RBM23: variants seen among roughly 807,000 people sequenced by gnomAD.
The protein encoded by RBM23 is RNA binding motif protein 23.
RBM23 carries 53 observed loss-of-function variants against 56.2 expected under a neutral mutation model. The ratio of observed to expected loss-of-function variants is 0.94; its 90% CI spans 0.76 to 1.19. The LOEUF is 1.19. RBM23 is among the 50% of genes most tolerant of loss of function. RBM23 has a pLI of 0.00. For missense variants in RBM23, 642 were observed against 590.3 expected (o/e 1.09, Z -0.91); for synonymous variants, 197 against 198.5 (o/e 0.99, Z 0.06).
chr14:22,913,264 A>G (rs2139091569), intron 1 of RBM23, among the ~76,000 whole-genome samples: 1 of 149,378 alleles, frequency 6.7e-6, no homozygotes, highest in East Asian at 2.0e-4. Context: ...AATACAAAAT[A>G]TTAGCCGGGC....
Position 22,904,250 on chromosome 14 carries a change from T to G in RBM23, c.930+11A>C. ...AAGTAAAATAAAAAAATTAAAAGAC[T>G]AGAGACTCACCGTGATGAAACCATA... On this transcript the variant is annotated intron_variant, in intron 10 of 13. Coordinates refer to ENST00000359890, the MANE Select transcript of RBM23 (RefSeq NM_001077351.2). 6.2e-7 allele frequency: 1 copy of G among 1,613,904 alleles called. No homozygotes were observed.
chr14:22,906,207 G>A lies in RBM23; in HGVS notation c.389C>T (p.Pro130Leu). The A allele has an allele frequency of 6.2e-7, 1 of 1,614,130 alleles. No homozygotes were observed. Among genetic ancestry groups the A allele is most frequent in the Non-Finnish European group, 8.5e-7 (1 of 1,179,968 alleles). ...CAAAAAGTGATACCCAGTGGCAAGTGGAGGACTCCTGTAATGCACACGATC... is the reference window on the plus strand; with the variant it reads ...CAAAAAGTGATACCCAGTGGCAAGTAGAGGACTCCTGTAATGCACACGATC... ...REDRVHYRSP[P>L]LATGYRYGHS... Residue 130 changes from proline (P) to leucine (L), a missense_variant, in exon 5 of 14, where the codon CCA becomes CTA. By Grantham distance (98) the Pro-to-Leu change is moderately conservative. Coordinates refer to ENST00000359890, the MANE Select transcript of RBM23 (RefSeq NM_001077351.2).
intron 7 of RBM23, 38 bp downstream of exon 7, chr14:22,905,298 C>T: frequency 6.2e-7 from 1 of 1,613,872 alleles, no homozygotes; most frequent in South Asian, 1.1e-5. Flanking sequence ...GAGATACAAG[C>T]TAAGCTACTC....
intron 10 of RBM23, chr14:22,904,056 G>C: frequency 6.6e-7 from 1 of 1,508,610 alleles, no homozygotes; most frequent in Non-Finnish European, 8.8e-7. Flanking sequence ...CCCATACCAG[G>C]GCCACTGACA....
chr14:22,905,662 A>G lies in RBM23; in HGVS notation c.402-3T>C, dbSNP rs1566550602. 6.2e-7 allele frequency: 1 copy of G among 1,601,810 alleles called. No individual in the cohort carries two copies. Among genetic ancestry groups the G allele is most frequent in the Admixed American group, 1.7e-5 (1 of 59,938 alleles). ...TCTTACTGTGTCCATACCTATAACT[A>G]AAGAATAGAGAAAAACAAAAGGTGA... On this transcript the variant is annotated splice_polypyrimidine_tract_variant and splice_region_variant and intron_variant, in intron 5 of 13. Coordinates refer to ENST00000359890, the MANE Select transcript of RBM23 (RefSeq NM_001077351.2).
chr14:22,909,440 C>T, intron 3 of RBM23, 43 bp downstream of exon 3: 1 of 1,506,946 alleles, frequency 6.6e-7, no homozygotes, highest in Non-Finnish European at 9.2e-7. Flanking sequence ...AAAACTGTTT[C>T]CCTTCCCCAA....
At chr14:22,913,327 T>C (rs1403845244) in intron 1 of RBM23, among the ~76,000 whole-genome samples, 2 of 144,580 alleles carry the variant, frequency 1.4e-5, no homozygotes, top group East Asian at 2.1e-4. Flanking sequence ...GGCAGGAGAA[T>C]GGCATGAAGC....
chr14:22,902,049 C>A lies in RBM23; in HGVS notation c.1177G>T (p.Ala393Ser). Reference sequence around the variant, plus strand: ...TTCAGTTGCAAGGCAGCAGCCTGGGCGGCGGCGGCAGCAGCAGCAGCAGCA... The same window carrying A: ...TTCAGTTGCAAGGCAGCAGCCTGGGAGGCGGCGGCAGCAGCAGCAGCAGCA... ...STAAAAAAAA[A>S]QAAALQLNGA... is the part of the protein sequence containing the mutation. The change falls in exon 12 of 14, where the codon GCC (alanine) becomes TCC (serine). Residue 393 changes from alanine (A) to serine (S), a missense_variant. Transcript: ENST00000359890. The A allele has an allele frequency of 6.2e-7, 1 of 1,603,912 alleles. No homozygotes were observed. The highest frequency in any genetic ancestry group is 8.5e-7 in the Non-Finnish European group (1 of 1,171,334).
At position 22,900,845 on chromosome 14, in the gene RBM23, A is replaced by G. The variant is rs1309237533; in HGVS notation, c.*885T>C. The G allele has an allele frequency of 6.6e-6, 1 of 152,114 alleles. No homozygotes were observed. The highest frequency in any genetic ancestry group is 1.5e-5 in the Non-Finnish European group (1 of 68,022). The allele number at this position is 152,114 out of a possible 1,614,324, so 9.4% of individuals were successfully genotyped here. On this transcript the variant is annotated 3_prime_UTR_variant, in exon 14 of 14. Coordinates refer to ENST00000359890, the MANE Select transcript of RBM23 (RefSeq NM_001077351.2). ...CACAAGGGTATAAAATCCAGTGAGAAGGGCTCACACATGCCCAGGTAAGGG... is the reference window on the plus strand; with the variant it reads ...CACAAGGGTATAAAATCCAGTGAGAGGGGCTCACACATGCCCAGGTAAGGG...
Position 22,898,061 on chromosome 14 carries a change from C to T in RBM23, c.*3669G>A, listed in dbSNP as rs2040276366. 6.6e-6 allele frequency: 1 copy of T among 152,202 alleles called. No homozygotes were observed. Among genetic ancestry groups the T allele is most frequent in the African/African-American group, 2.4e-5 (1 of 41,436 alleles). The allele number at this position is 152,202 out of a possible 1,614,324, so 9.4% of individuals were successfully genotyped here. A position where few individuals can be genotyped will look rare whatever the true frequency, so the allele number is the denominator to read the frequency against. ...TGTTGCTGCCTGATTTTCACTAAAG[C>T]CTTTCCATTACACGGAAAAGAGGGA... On this transcript the variant is annotated 3_prime_UTR_variant, in exon 14 of 14. Coordinates refer to ENST00000359890, the MANE Select transcript of RBM23 (RefSeq NM_001077351.2).
intron 10 of RBM23, chr14:22,903,344 G>A: frequency 1.0e-6 from 1 of 985,464 alleles, no homozygotes; most frequent in Non-Finnish European, 1.2e-6. Context: ...CAATGCAAGG[G>A]CAAAAATGCC....
rs10151270 is a variant in RBM23, at chr14:22,903,855, G to C, written c.930+406C>G. 5,525 of 1,132,570 alleles carry C rather than the reference G, an allele frequency of 4.9e-3. 216 individuals are homozygous for C. In the African/African-American group the frequency reaches 0.077, roughly 16 times the overall value. The allele number at this position is 1,132,570 out of a possible 1,614,324, so 70.2% of individuals were successfully genotyped here. A position where few individuals can be genotyped will look rare whatever the true frequency, so the allele number is the denominator to read the frequency against. Reference sequence around the variant, plus strand: ...TCGGTGCAGAAATTGCTTCAAATGGGGTAGCACCAGAGGGAAGTATAATTT... The same window carrying C: ...TCGGTGCAGAAATTGCTTCAAATGGCGTAGCACCAGAGGGAAGTATAATTT... On this transcript the variant is annotated intron_variant, in intron 10 of 13. Transcript: ENST00000359890.
intron 4 of RBM23, among the ~76,000 whole-genome samples, chr14:22,907,958 A>C (rs1396727561): frequency 6.6e-6 from 1 of 152,222 alleles, no homozygotes; most frequent in Non-Finnish European, 1.5e-5. Flanking sequence ...TAAGGACATA[A>C]AGAAAACTTG....
In RBM23 at chr14:22,902,197, T is replaced by G; in HGVS notation, c.1116A>C (p.Lys372Asn). ...SAGGRFQLMA[K>N]LAEGAGIQLP... ...GCGGAGATATTTTACCTTCTGCCAG[T>G]TTTGCCATGAGCTGAAAACGTCCAC... The change falls in exon 11 of 14, where the codon AAA becomes AAC. Residue 372 changes from lysine (K) to asparagine (N), a missense_variant. Physicochemically the swap from Lys to Asn is moderately conservative, Grantham distance 94. Coordinates refer to ENST00000359890, the MANE Select transcript of RBM23 (RefSeq NM_001077351.2). 6.2e-7 allele frequency: 1 copy of G among 1,613,712 alleles called. No homozygotes were observed. The highest frequency in any genetic ancestry group is 8.5e-7 in the Non-Finnish European group (1 of 1,179,632).
intron 10 of RBM23, 73 bp downstream of exon 10, chr14:22,904,188 A>C (rs1594245322): frequency 1.2e-6 from 2 of 1,611,932 alleles, no homozygotes. Context: ...GAGGAGGATG[A>C]AGCTAAGCTG....
intron 3 of RBM23, among the ~76,000 whole-genome samples, chr14:22,909,097 C>A (rs1337035945): frequency 6.6e-6 from 1 of 152,092 alleles, no homozygotes; most frequent in Non-Finnish European, 1.5e-5. Context: ...AGCCTGCCAC[C>A]GCGCCCAGCT....
chr14:22,903,256 C>A, intron 10 of RBM23: 1 of 985,420 alleles, frequency 1.0e-6, no homozygotes. Context: ...ATCAGCAGCA[C>A]CCAGCAACAC....
chr14:22,904,398 C>CT (rs371371804), intron 9 of RBM23, 72 bp from the exon 10 acceptor site: 55,244 of 1,002,122 alleles, frequency 0.055, no homozygotes, highest in Middle Eastern at 0.063. Context: ...ACCCAGACTG[C>CT]TTTTTTTTTT....
In RBM23 at chr14:22,900,751, A is replaced by C. The variant is rs1030429633; in HGVS notation, c.*979T>G. On this transcript the variant is annotated 3_prime_UTR_variant, in exon 14 of 14. Coordinates refer to ENST00000359890, the MANE Select transcript of RBM23 (RefSeq NM_001077351.2). ...ACACAAATGGGCAACAGCTGCCACA[A>C]GGAGGAGGCTTGCCTTTTGTACAAA... 2.0e-5 allele frequency: 3 copies of C among 152,046 alleles called. No individual in the cohort carries two copies. The highest frequency in any genetic ancestry group is 7.3e-5 in the African/African-American group (3 of 41,352). 9.4% of individuals were successfully genotyped at this position (152,046 alleles called of 1,614,324 possible).
Sources: allele counts gnomAD v4.1 joint callset (sites outside exome capture counted in the v4.1 genomes callset), GRCh38; gene constraint gnomAD v4.1.1; transcripts MANE v1.5; gene names NCBI Gene and HGNC (gene_info 2026-07-23, HGNC 2026-07-21).